The following NKAIN2 variants were observed in gnomAD, a reference collection of about 807,000 sequenced individuals.
The protein encoded by NKAIN2 is sodium/potassium transporting ATPase interacting 2.
A neutral mutation model predicts 32.6 loss-of-function variants in NKAIN2; 14 were observed. That is an observed-to-expected ratio of 0.43 (90% CI 0.28 to 0.67). The LOEUF is 0.67. Among genes scored for constraint, NKAIN2 ranks in the 30% least tolerant of loss-of-function variants. The probability of loss-of-function intolerance (pLI) is 0.17; values close to 1 mark genes in which losing one functional copy is unlikely to be tolerated. For missense variants in NKAIN2, 198 were observed against 258.3 expected, an observed-to-expected ratio of 0.77 and a Z score of 1.60; for synonymous variants, 80 against 87.2, an observed-to-expected ratio of 0.92 and a Z score of 0.46.
chr6:124,753,680 G>A (rs1006194107), intron 4 of NKAIN2, among the ~76,000 whole-genome samples: 5 of 152,160 alleles, frequency 3.3e-5, no homozygotes, highest in Admixed American at 2.0e-4. Context: ...AGGAACTGAG[G>A]TGCACAGCTG....
At chr6:124,103,039 G>A (rs576479285) in intron 1 of NKAIN2, among the ~76,000 whole-genome samples, 1 of 152,246 alleles carries the variant, frequency 6.6e-6, no homozygotes, top group Admixed American at 6.5e-5. Flanking sequence ...ATGACTAAGA[G>A]TTCTAATCCT....
chr6:123,917,852 G>T (rs1775569748), intron 1 of NKAIN2, among the ~76,000 whole-genome samples: 1 of 152,120 alleles, frequency 6.6e-6, no homozygotes, highest in Admixed American at 6.6e-5. Flanking sequence ...CGCCAGCAAT[G>T]TTTAGGAAAA....
At chr6:124,808,946 A>G (rs995399392) in intron 5 of NKAIN2, among the ~76,000 whole-genome samples, 1 of 152,210 alleles carries the variant, frequency 6.6e-6, no homozygotes, top group African/African-American at 2.4e-5. Context: ...GACCTCTTCA[A>G]GGAGAACTAC....
chr6:123,846,656 A>G (rs1221711379), intron 1 of NKAIN2, among the ~76,000 whole-genome samples: 1 of 152,334 alleles, frequency 6.6e-6, no homozygotes, highest in South Asian at 2.1e-4. Context: ...ATGTGAGAAC[A>G]GTAAAATTCT....
At chr6:124,235,080 T>G (rs1365627040) in intron 1 of NKAIN2, among the ~76,000 whole-genome samples, 2 of 152,164 alleles carry the variant, frequency 1.3e-5, no homozygotes, top group Non-Finnish European at 2.9e-5. Context: ...AGAGTATGAT[T>G]TGTTCTATAA....
intron 1 of NKAIN2, among the ~76,000 whole-genome samples, chr6:123,956,135 G>A (rs1777578461): frequency 1.3e-5 from 2 of 152,106 alleles, no homozygotes; most frequent in African/African-American, 2.4e-5. Context: ...AATGCTGGAT[G>A]CATTATTTTA....
intron 3 of NKAIN2, among the ~76,000 whole-genome samples, chr6:124,651,433 C>G (rs1484452420): frequency 6.6e-6 from 1 of 152,170 alleles, no homozygotes; most frequent in Non-Finnish European, 1.5e-5. Flanking sequence ...GTGACTCTGC[C>G]CCGAAGCAGG....
chr6:124,425,644 T>C (rs920126392), intron 3 of NKAIN2, among the ~76,000 whole-genome samples: 1 of 152,100 alleles, frequency 6.6e-6, no homozygotes, highest in African/African-American at 2.4e-5. Context: ...GCAAAGGACC[T>C]GAACAGACCT....
chr6:124,325,572 A>G (rs761470047), intron 2 of NKAIN2, among the ~76,000 whole-genome samples: 5 of 152,154 alleles, frequency 3.3e-5, no homozygotes, highest in Non-Finnish European at 5.9e-5. Context: ...AAAAGACAAT[A>G]AGCTACTGGC....
At chr6:124,292,949 G>A (rs1362443836) in intron 2 of NKAIN2, among the ~76,000 whole-genome samples, 1 of 151,974 alleles carries the variant, frequency 6.6e-6, no homozygotes, top group Admixed American at 6.6e-5. Flanking sequence ...GCTTTAAATA[G>A]GTGCACAAGA....
intron 2 of NKAIN2, among the ~76,000 whole-genome samples, chr6:124,333,642 A>G (rs1797752584): frequency 6.6e-6 from 1 of 151,170 alleles, no homozygotes; most frequent in African/African-American, 2.4e-5. Context: ...CCTAGGTGAC[A>G]GAGTGAGACT....
At chr6:124,725,665 C>T (rs75744941) in intron 4 of NKAIN2, among the ~76,000 whole-genome samples, 139 of 152,108 alleles carry the variant, frequency 9.1e-4, no homozygotes, top group Non-Finnish European at 8.5e-4. Flanking sequence ...AACTCCAGAA[C>T]GATATTCCAC....
chr6:123,837,714 C>G (rs372288967), intron 1 of NKAIN2, among the ~76,000 whole-genome samples: 1 of 152,226 alleles, frequency 6.6e-6, no homozygotes, highest in East Asian at 1.9e-4. Context: ...TATGCTCTGA[C>G]ATTCTTTCTG....
At chr6:123,836,877 A>G (rs1376732389) in intron 1 of NKAIN2, among the ~76,000 whole-genome samples, 1 of 152,164 alleles carries the variant, frequency 6.6e-6, no homozygotes, top group African/African-American at 2.4e-5. Context: ...AAAATAAAAT[A>G]TTATGAGTAC....
At chr6:124,469,108 A>T (rs993235563) in intron 3 of NKAIN2, among the ~76,000 whole-genome samples, 5 of 152,186 alleles carry the variant, frequency 3.3e-5, no homozygotes, top group Admixed American at 1.3e-4. Context: ...TGCTCGTTGC[A>T]GTAGCCCTGC....
intron 1 of NKAIN2, among the ~76,000 whole-genome samples, chr6:123,877,033 T>C (rs1257165018): frequency 1.3e-5 from 2 of 152,192 alleles, no homozygotes; most frequent in Non-Finnish European, 2.9e-5. Flanking sequence ...CTAATACTTT[T>C]TGCTATTTCA....
rs539966060 is a variant in NKAIN2 at position 124,085,187 on chromosome 6, G to T, written c.55-197818G>T. 1.2e-4 allele frequency among the ~76,000 whole-genome samples: 18 copies of T among 152,160 alleles called. No homozygotes were observed. The East Asian group carries it at 1.9e-3, about 16-fold the overall frequency. The stretch of plus-strand genomic sequence containing the variant: ...TCAGCAAATTATTTTATGCTCATCA[G>T]TTGGAATTCACATTTATGTGGCAAT... On this transcript the variant is annotated intron_variant, in intron 1 of 6. Transcript: ENST00000368417.
intron 1 of NKAIN2, among the ~76,000 whole-genome samples, chr6:124,043,144 G>A (rs2114814329): frequency 6.6e-6 from 1 of 152,126 alleles, no homozygotes; most frequent in South Asian, 2.1e-4. Flanking sequence ...GATCATTTGA[G>A]GTCAGGAGTT....
chr6:124,119,144 TAGCTCCCCAACCAG>T (rs1785755359), intron 1 of NKAIN2, among the ~76,000 whole-genome samples: 1 of 152,162 alleles, frequency 6.6e-6, no homozygotes, highest in East Asian at 1.9e-4. Context: ...CTATATGATA[TAGCTCCCCAACCAG>T]AAAGTGGTTG....
Sources: gnomAD v4.1 joint callset for allele counts (sites outside exome capture counted in the v4.1 genomes callset) on GRCh38, gnomAD v4.1.1 for gene constraint, MANE v1.5 for transcripts, NCBI Gene and HGNC (gene_info 2026-07-23, HGNC 2026-07-21) for gene names.